The following ARID1B variants were observed in gnomAD, a reference collection of about 807,000 sequenced individuals.
The protein encoded by ARID1B is AT-rich interaction domain 1B, also known as AT-rich interactive domain-containing protein 1B.
ARID1B carries 30 observed loss-of-function variants against 212.3 expected under a neutral mutation model. The ratio of observed to expected loss-of-function variants is 0.14; its 90% CI spans 0.11 to 0.19. ARID1B has a LOEUF of 0.19. ARID1B is among the 10% of genes least tolerant of loss of function. ARID1B has a pLI of 1.00. For synonymous variants in ARID1B, 1,402 were observed against 1,301.7 expected, an observed-to-expected ratio of 1.08 and a Z score of -1.66; for missense variants, 2,891 against 3,204.0, an observed-to-expected ratio of 0.90 and a Z score of 2.36.
At chr6:156,976,319 A>G (rs1257447522) in intron 4 of ARID1B, 1 of 163,098 alleles carries the variant, frequency 6.1e-6, no homozygotes, top group Non-Finnish European at 1.3e-5. Flanking sequence ...AGCATCAACA[A>G]TGCCGAAAAG....
At chr6:157,008,823 G>A (rs747081089) in intron 4 of ARID1B, among the ~76,000 whole-genome samples, 24 of 152,100 alleles carry the variant, frequency 1.6e-4, no homozygotes, top group Non-Finnish European at 2.9e-4. Flanking sequence ...ACTTGTCTGA[G>A]CTCTCACAGT....
rs1414405747 is a variant in ARID1B, at chr6:157,198,856, G to A, written c.4428G>A (p.Ser1476=). The A allele has an allele frequency of 6.8e-6, 11 of 1,611,516 alleles. No individual in the cohort carries two copies. The highest frequency in any genetic ancestry group is 2.2e-5 in the East Asian group (1 of 44,822). Residue 1476 remains serine, a synonymous_variant, in exon 17 of 20, where the codon TCG becomes TCA. Transcript: ENST00000636930. ...AGTATCCAGGCCAAGGCCCTCCCTCGGGACAGCCGCCGTATGGAGGGCACC... is the reference window on the plus strand; with the variant it reads ...AGTATCCAGGCCAAGGCCCTCCCTCAGGACAGCCGCCGTATGGAGGGCACC... ...GQQYPGQGPP[S]GQPPYGGHQP...
At chr6:156,781,149 A>G (rs1222913151) in intron 1 of ARID1B, among the ~76,000 whole-genome samples, 1 of 152,194 alleles carries the variant, frequency 6.6e-6, no homozygotes, top group Non-Finnish European at 1.5e-5. Context: ...ATATTTAAAA[A>G]ACGAAATGAG....
intron 12 of ARID1B, 84 bp downstream of exon 12, chr6:157,181,262 T>C: frequency 1.4e-6 from 2 of 1,460,938 alleles, no homozygotes; most frequent in Non-Finnish European, 1.9e-6. Context: ...TGTGGACTCA[T>C]TTTTTTTCTC....
chr6:156,852,409 C>G (rs933717159), intron 2 of ARID1B, among the ~76,000 whole-genome samples: 1 of 151,540 alleles, frequency 6.6e-6, no homozygotes, highest in Non-Finnish European at 1.5e-5. Context: ...GATGAGGCAA[C>G]TGCACTCCAG....
rs1562494836 is a variant in ARID1B, at chr6:156,934,946, AT to A, written c.2137-519del. 2.3e-3 allele frequency among the ~76,000 whole-genome samples: 214 copies of A among 91,178 alleles called. 5 individuals carry two copies. The East Asian group carries it at 0.038, about 16-fold the overall frequency. The allele number at this position is 91,178 out of a possible 152,430, so 59.8% of individuals were successfully genotyped here. A position where few individuals can be genotyped will look rare whatever the true frequency, so the allele number is the denominator to read the frequency against. ...TATATATATATATATATATATATAT[AT>A]ATATATATATATATAGTTTATATTT... On this transcript the variant is annotated intron_variant, in intron 3 of 19. Coordinates refer to ENST00000636930, the MANE Select transcript of ARID1B (RefSeq NM_001374828.1).
At chr6:157,060,308 G>T (rs1179854433) in intron 4 of ARID1B, among the ~76,000 whole-genome samples, 1 of 152,134 alleles carries the variant, frequency 6.6e-6, no homozygotes, top group Non-Finnish European at 1.5e-5. Flanking sequence ...CATTGTAATA[G>T]GGTATAGTAG....
intron 1 of ARID1B, among the ~76,000 whole-genome samples, chr6:156,801,973 G>A (rs1780824960): frequency 6.6e-6 from 1 of 152,182 alleles, no homozygotes; most frequent in Admixed American, 6.5e-5. Context: ...CAAATGAGGC[G>A]TGAAACAAAT....
intron 1 of ARID1B, among the ~76,000 whole-genome samples, chr6:156,781,281 C>T (rs934921974): frequency 8.0e-5 from 12 of 150,120 alleles, no homozygotes; most frequent in African/African-American, 2.9e-4. Flanking sequence ...GCCCCATAAT[C>T]TTTTTTTTTT....
chr6:156,941,923 TTAAAA>T (rs1792702372), intron 4 of ARID1B: 2 of 152,330 alleles, frequency 1.3e-5, no homozygotes, highest in East Asian at 3.9e-4. Flanking sequence ...TCAGTTCCCG[TTAAAA>T]TAAAATTCTG....
chr6:157,148,630 A>G lies in ARID1B; in HGVS notation c.2768A>G (p.Tyr923Cys). 6.3e-7 allele frequency: 1 copy of G among 1,583,230 alleles called. No homozygotes were observed. Among genetic ancestry groups the G allele is most frequent in the Non-Finnish European group, 8.7e-7 (1 of 1,156,056 alleles). Residue 923 changes from tyrosine to cysteine, a missense_variant, in exon 8 of 20, where the codon TAC (tyrosine) becomes TGC (cysteine). By Grantham distance (194) the Tyr-to-Cys change is radical (BLOSUM62 -2). This residue lies in a region of ARID1B where 1,643 missense variants were observed against 1,544.0 expected (regional missense o/e 1.06). Coordinates refer to ENST00000636930, the MANE Select transcript of ARID1B (RefSeq NM_001374828.1). This position sits in a 1 kb window ranked among gnomAD's most constrained non-coding sequence, Gnocchi z 5.6. ...GTGTTTGCTTTTTGTTTAGGTAACT[A>G]CTCCAGACCCCCAGCGTATAGTGGG... ...QMSQYGPQGN[Y>C]SRPPAYSGVP...
chr6:157,015,048 T>C (rs73003497), intron 4 of ARID1B, among the ~76,000 whole-genome samples: 1,979 of 152,300 alleles, frequency 0.013, 24 homozygotes, highest in Non-Finnish European at 0.02. Context: ...GAGATGACAT[T>C]TGATGCCACG....
chr6:157,114,379 C>T (rs925942301), intron 6 of ARID1B, among the ~76,000 whole-genome samples: 1 of 151,780 alleles, frequency 6.6e-6, no homozygotes, highest in Non-Finnish European at 1.5e-5. Context: ...AAAACATTAA[C>T]CAGGCATGGT....
intron 1 of ARID1B, among the ~76,000 whole-genome samples, chr6:156,799,185 A>ATATAGAATAATTAATAT (rs1192498658): frequency 6.6e-6 from 1 of 152,240 alleles, no homozygotes; most frequent in Non-Finnish European, 1.5e-5. Flanking sequence ...ATAATTAATA[A>ATATAGAATAATTAATAT]TATAAAATAA....
chr6:156,843,627 C>T (rs1479928015), intron 2 of ARID1B, among the ~76,000 whole-genome samples: 1 of 152,136 alleles, frequency 6.6e-6, no homozygotes, highest in Non-Finnish European at 1.5e-5. Context: ...TATGTGAATC[C>T]AGACTGATTC....
At chr6:156,892,363 ACT>A (rs1274210156) in intron 2 of ARID1B, among the ~76,000 whole-genome samples, 2 of 152,098 alleles carry the variant, frequency 1.3e-5, no homozygotes, top group African/African-American at 4.8e-5. Flanking sequence ...AAACATAAAA[ACT>A]CACTGATAAG....
rs772973856 is a variant in ARID1B, at chr6:157,190,085, C to T, written c.4106C>T (p.Ser1369Leu). Residue 1369 changes from serine (S) to leucine (L), a missense_variant, in exon 15 of 20, where the codon TCA becomes TTA. This residue lies in a region of ARID1B where 666 missense variants were observed against 873.5 expected (regional missense o/e 0.76). Transcript: ENST00000636930. The surrounding 1 kb of genome is among the most constrained non-coding windows in gnomAD (Gnocchi z 4.6). Reference sequence around the variant, plus strand: ...GACCCATTCTCAGATGTGAGTGATTCATCCTTCCCGAAACGGAACTCCATG... The same window carrying T: ...GACCCATTCTCAGATGTGAGTGATTTATCCTTCCCGAAACGGAACTCCATG... ...VHDPFSDVSD[S>L]SFPKRNSMTP... 8.7e-6 allele frequency: 14 copies of T among 1,614,122 alleles called. No individual in the cohort carries two copies. Among genetic ancestry groups the T allele is most frequent in the Non-Finnish European group, 1.1e-5 (13 of 1,180,056 alleles).
chr6:157,161,576 C>A (rs553840293), intron 8 of ARID1B, among the ~76,000 whole-genome samples: 1 of 152,142 alleles, frequency 6.6e-6, no homozygotes, highest in East Asian at 1.9e-4. Context: ...GGTTGAAAAT[C>A]TGTTTCACCA....
intron 8 of ARID1B, among the ~76,000 whole-genome samples, chr6:157,156,121 C>T (rs547658391): frequency 2.6e-5 from 4 of 152,212 alleles, no homozygotes; most frequent in South Asian, 2.1e-4. Context: ...CAAAAAACTT[C>T]GAAATGTGTC....
Sources: allele counts gnomAD v4.1 joint callset (sites outside exome capture counted in the v4.1 genomes callset), GRCh38; gene constraint gnomAD v4.1.1; regional missense constraint gnomAD v4.1.1; non-coding constraint Gnocchi (gnomAD v3.1); transcripts MANE v1.5; gene names NCBI Gene and HGNC (gene_info 2026-07-23, HGNC 2026-07-21).